The following RORA variants were observed in gnomAD, a reference collection of about 807,000 sequenced individuals.
RORA encodes the protein RAR related orphan receptor A, also known as nuclear receptor ROR-alpha.
A neutral mutation model predicts 69.5 loss-of-function variants in RORA; 7 were observed. The observed-to-expected ratio is 0.10, with a 90% confidence interval of 0.06 to 0.19. The LOEUF is 0.19. Among genes scored for constraint, RORA ranks in the 10% least tolerant of loss-of-function variants. RORA has a pLI of 1.00. For synonymous variants in RORA, 261 were observed against 240.8 expected, an observed-to-expected ratio of 1.08 and a Z score of -0.78; for missense variants, 457 against 663.0, an observed-to-expected ratio of 0.69 and a Z score of 3.41.
At chr15:61,165,500 CTCTTTG>C (rs1375276844) in intron 1 of RORA, among the ~76,000 whole-genome samples, 1 of 152,208 alleles carries the variant, frequency 6.6e-6, no homozygotes, top group African/African-American at 2.4e-5. Context: ...GGTTTCAAAA[CTCTTTG>C]TCTTTTTTCT....
intron 1 of RORA, among the ~76,000 whole-genome samples, chr15:61,192,436 G>A (rs1256509638): frequency 2.0e-5 from 3 of 152,094 alleles, no homozygotes; most frequent in African/African-American, 7.2e-5. Context: ...CCGCACCCAA[G>A]ACCCAGGTAC....
intron 1 of RORA, among the ~76,000 whole-genome samples, chr15:61,219,962 T>A (rs11631786): frequency 6.6e-6 from 1 of 152,088 alleles, no homozygotes; most frequent in Non-Finnish European, 1.5e-5. Context: ...TCCTCAAGAA[T>A]GCTAGGGAAC....
Position 60,905,337 on chromosome 15 carries a change from A to G in RORA, c.167-226651T>C, listed in dbSNP as rs568117025. Among the ~76,000 whole-genome samples, 5 of 152,362 alleles carry G rather than the reference A, an allele frequency of 3.3e-5. No individual in the cohort carries two copies. In the South Asian group the frequency reaches 1.0e-3, roughly 32 times the overall value. ...TTGCATCGTTATATGAGTGCAAAGC[A>G]TGATGATAAAATATGCAATTCTTAA... On this transcript the variant is annotated intron_variant, in intron 1 of 10. Coordinates refer to ENST00000335670, the MANE Select transcript of RORA (RefSeq NM_134261.3). This position sits in a 1 kb window ranked among gnomAD's most constrained non-coding sequence, Gnocchi z 4.8.
chr15:61,090,385 C>A (rs2078687951), intron 1 of RORA, among the ~76,000 whole-genome samples: 1 of 152,104 alleles, frequency 6.6e-6, no homozygotes. Flanking sequence ...AGGCAGTTGC[C>A]AACACACTGT....
chr15:61,212,023 T>TA (rs1480029896), intron 1 of RORA: 4 of 152,162 alleles, frequency 2.6e-5, no homozygotes, highest in Admixed American at 1.3e-4. Flanking sequence ...TTCTTTCACT[T>TA]AGTTTCCCAT....
intron 3 of RORA, among the ~76,000 whole-genome samples, chr15:60,515,979 ATT>A (rs1243033725): frequency 2.1e-4 from 1 of 4,836 alleles, no homozygotes; most frequent in Non-Finnish European, 4.7e-4. Flanking sequence ...ATATTTATAT[ATT>A]TATATATATT....
At position 61,061,703 on chromosome 15, in the gene RORA, T is replaced by C. The variant is rs1022482021; in HGVS notation, c.166+167350A>G. On this transcript the variant is annotated intron_variant, in intron 1 of 10. Transcript: ENST00000335670. The surrounding 1 kb of genome is among the most constrained non-coding windows in gnomAD (Gnocchi z 4.4). Reference sequence around the variant, plus strand: ...ACTACTGCTTTAGTTGTTGGGCATATGGGTCTCTAGAGACAGGGTGTTAAG... The same window carrying C: ...ACTACTGCTTTAGTTGTTGGGCATACGGGTCTCTAGAGACAGGGTGTTAAG... Among the ~76,000 whole-genome samples, 2 of 152,204 alleles carry C rather than the reference T, an allele frequency of 1.3e-5. No homozygotes were observed. Among genetic ancestry groups the C allele is most frequent in the Non-Finnish European group, 1.5e-5 (1 of 68,042 alleles).
chr15:61,039,912 C>A (rs1896655946), intron 1 of RORA, among the ~76,000 whole-genome samples: 1 of 151,132 alleles, frequency 6.6e-6, no homozygotes, highest in Admixed American at 6.6e-5. Context: ...TAACAAAGGA[C>A]CCAGGTAATT....
chr15:61,116,075 C>A (rs538213327), intron 1 of RORA, among the ~76,000 whole-genome samples: 165 of 141,338 alleles, frequency 1.2e-3, no homozygotes, highest in African/African-American at 3.9e-3. Flanking sequence ...CTTAAAAAAA[C>A]AAACAAACAA....
intron 1 of RORA, among the ~76,000 whole-genome samples, chr15:60,823,680 T>G (rs548436726): frequency 6.6e-6 from 1 of 152,120 alleles, no homozygotes; most frequent in Non-Finnish European, 1.5e-5. Flanking sequence ...CACTTTATCT[T>G]CCCCAGAAAT....
At chr15:60,827,654 A>C (rs1337381318) in intron 1 of RORA, among the ~76,000 whole-genome samples, 3 of 152,104 alleles carry the variant, frequency 2.0e-5, no homozygotes, top group African/African-American at 7.2e-5. Flanking sequence ...CGGGTGTTGG[A>C]GCTGCCTCCT....
chr15:61,085,623 C>T (rs1358762846), intron 1 of RORA, among the ~76,000 whole-genome samples: 2 of 152,240 alleles, frequency 1.3e-5, no homozygotes, highest in Admixed American at 6.5e-5. Context: ...AACCACTGAT[C>T]CATGGCCCCT....
rs192849603 is a variant in RORA, at chr15:61,097,668, A to G, written c.166+131385T>C. 1.6e-3 allele frequency among the ~76,000 whole-genome samples: 245 copies of G among 152,312 alleles called. 1 individual carries two copies. Among genetic ancestry groups the G allele is most frequent in the Non-Finnish European group, 1.1e-3 (74 of 68,030 alleles). Reference sequence around the variant, plus strand: ...GTACAAAGGAGGTGACAAATGTAGAATTTCTTCTTGGATAATTTCTCTGGC... The same window carrying G: ...GTACAAAGGAGGTGACAAATGTAGAGTTTCTTCTTGGATAATTTCTCTGGC... On this transcript the variant is annotated intron_variant, in intron 1 of 10. Coordinates refer to ENST00000335670, the MANE Select transcript of RORA (RefSeq NM_134261.3).
At chr15:60,633,251 G>T (rs1393104530) in intron 2 of RORA, among the ~76,000 whole-genome samples, 1 of 152,178 alleles carries the variant, frequency 6.6e-6, no homozygotes, top group Non-Finnish European at 1.5e-5. Context: ...AGAGCACCTT[G>T]CAGTAAAGGA....
At chr15:60,841,821 A>G (rs1386345691) in intron 1 of RORA, among the ~76,000 whole-genome samples, 1 of 152,164 alleles carries the variant, frequency 6.6e-6, no homozygotes, top group African/African-American at 2.4e-5. Flanking sequence ...TGAGGAAAGT[A>G]GAAACCATCC....
intron 1 of RORA, among the ~76,000 whole-genome samples, chr15:60,977,505 T>C (rs1341206560): frequency 6.6e-6 from 1 of 152,188 alleles, no homozygotes; most frequent in Non-Finnish European, 1.5e-5. Flanking sequence ...TTTTAAGGTA[T>C]ACAATTCAAT....
intron 3 of RORA, among the ~76,000 whole-genome samples, chr15:60,516,164 T>A (rs1358041016): frequency 5.7e-5 from 2 of 34,936 alleles, no homozygotes; most frequent in African/African-American, 2.4e-4. Flanking sequence ...TATATATTTA[T>A]ATATATATTT....
intron 1 of RORA, among the ~76,000 whole-genome samples, chr15:60,988,906 G>T (rs2140367758): frequency 6.6e-6 from 1 of 152,288 alleles, no homozygotes; most frequent in Non-Finnish European, 1.5e-5. Flanking sequence ...AGGAAAGAAG[G>T]AATCATCCAG....
intron 1 of RORA, among the ~76,000 whole-genome samples, chr15:61,107,686 T>C (rs2078964284): frequency 6.6e-6 from 1 of 151,972 alleles, no homozygotes; most frequent in Admixed American, 6.6e-5. Flanking sequence ...GGTCATGGTC[T>C]CATTACCCTG....
Sources: allele counts gnomAD v4.1 joint callset (sites outside exome capture counted in the v4.1 genomes callset), GRCh38; gene constraint gnomAD v4.1.1; non-coding constraint Gnocchi (gnomAD v3.1); transcripts MANE v1.5; gene names NCBI Gene and HGNC (gene_info 2026-07-23, HGNC 2026-07-21).